CDON: variants seen among roughly 807,000 people sequenced by gnomAD.
CDON encodes cell adhesion molecule-related/down-regulated by oncogenes.
Under a neutral mutation model 120.9 loss-of-function variants are expected in CDON, and 73 were observed. The ratio of observed to expected loss-of-function variants is 0.60; its 90% CI spans 0.50 to 0.73. The LOEUF is 0.73. Among genes scored for constraint, CDON ranks in the 30% least tolerant of loss-of-function variants. CDON has a pLI of 0.00. For missense variants in CDON, 1,470 were observed against 1,587.3 expected, an observed-to-expected ratio of 0.93 and a Z score of 1.26; for synonymous variants, 566 against 573.5, an observed-to-expected ratio of 0.99 and a Z score of 0.19.
intron 12 of CDON, among the ~76,000 whole-genome samples, 158 bp downstream of exon 12, chr11:125,997,049 T>C (rs986377141): frequency 3.3e-5 from 5 of 151,820 alleles, no homozygotes; most frequent in Non-Finnish European, 7.4e-5. Context: ...CGGTGGTGAG[T>C]GCCTGTAGTC....
At chr11:125,977,313 T>C (rs1384746090) in intron 18 of CDON, among the ~76,000 whole-genome samples, 4 of 152,254 alleles carry the variant, frequency 2.6e-5, no homozygotes, top group African/African-American at 7.2e-5. Flanking sequence ...GCTTTTGTTC[T>C]GCAACTCTCA....
chr11:125,972,050 G>T (rs528752110), intron 18 of CDON, among the ~76,000 whole-genome samples: 3 of 152,224 alleles, frequency 2.0e-5, no homozygotes, highest in African/African-American at 4.8e-5. Context: ...GGTCTCTGGT[G>T]TAAGGAACTG....
chr11:126,062,191 G>C (rs1948813993), intron 1 of CDON, among the ~76,000 whole-genome samples: 1 of 152,154 alleles, frequency 6.6e-6, no homozygotes. Context: ...TGTCTCTCGC[G>C]GGCGCTCTGC....
At chr11:125,970,172 GTTT>G (rs36021097) in intron 18 of CDON, among the ~76,000 whole-genome samples, 2 of 103,180 alleles carry the variant, frequency 1.9e-5, no homozygotes, top group Non-Finnish European at 3.9e-5. Flanking sequence ...GGTAGTTTAT[GTTT>G]TTTTTTTTTT....
At chr11:125,987,982 T>A (rs974354625) in intron 15 of CDON, among the ~76,000 whole-genome samples, 6 of 152,248 alleles carry the variant, frequency 3.9e-5, no homozygotes, top group Non-Finnish European at 8.8e-5. Context: ...CCTCATTTTT[T>A]AAAAACGTAC....
intron 1 of CDON, 142 bp from the exon 2 acceptor site, chr11:126,023,679 T>G: frequency 1.6e-6 from 1 of 625,962 alleles, no homozygotes; most frequent in African/African-American, 1.8e-5. Context: ...TATCCAGATC[T>G]TCCCAATTCA....
chr11:126,054,781 T>G (rs541139218), intron 1 of CDON, among the ~76,000 whole-genome samples: 202 of 152,322 alleles, frequency 1.3e-3, no homozygotes, highest in African/African-American at 4.6e-3. Flanking sequence ...TAGTACTTGT[T>G]CAGCAGAGTG....
intron 2 of CDON, among the ~76,000 whole-genome samples, chr11:126,022,710 C>T (rs984466465): frequency 6.6e-6 from 1 of 152,114 alleles, no homozygotes; most frequent in Non-Finnish European, 1.5e-5. Context: ...AGTAAAACCA[C>T]AAAACCAATT....
intron 1 of CDON, among the ~76,000 whole-genome samples, chr11:126,041,590 G>A (rs1339444793): frequency 6.6e-6 from 1 of 152,172 alleles, no homozygotes; most frequent in Admixed American, 6.5e-5. Context: ...ACCACATAAT[G>A]CTAGTACTAA....
intron 4 of CDON, among the ~76,000 whole-genome samples, chr11:126,018,684 T>C (rs537648181): frequency 1.5e-4 from 23 of 152,294 alleles, no homozygotes; most frequent in African/African-American, 5.1e-4. Context: ...TCCTCCCACC[T>C]AAGCCTCCCA....
chr11:126,020,859 G>A (rs1313467789), intron 3 of CDON, among the ~76,000 whole-genome samples: 1 of 152,224 alleles, frequency 6.6e-6, no homozygotes, highest in Non-Finnish European at 1.5e-5. Flanking sequence ...AGGACTCCAG[G>A]AAATAACTGT....
At chr11:126,046,978 T>C (rs757115240) in intron 1 of CDON, among the ~76,000 whole-genome samples, 1 of 152,222 alleles carries the variant, frequency 6.6e-6, no homozygotes, top group Non-Finnish European at 1.5e-5. Flanking sequence ...ACAATCATGC[T>C]CAGTATTTAA....
chr11:125,997,592 G>C (rs990999540), intron 11 of CDON, among the ~76,000 whole-genome samples, 182 bp from the exon 12 acceptor site: 6 of 152,120 alleles, frequency 3.9e-5, no homozygotes, highest in African/African-American at 1.4e-4. Context: ...GGGAATACAG[G>C]AAATAAAGAG....
intron 1 of CDON, among the ~76,000 whole-genome samples, chr11:126,028,875 ACT>A (rs1947874540): frequency 6.6e-6 from 1 of 151,742 alleles, no homozygotes; most frequent in Non-Finnish European, 1.5e-5. Flanking sequence ...TCTAGATAAC[ACT>A]CTATGAATAT....
At chr11:126,018,287 G>C (rs1485113270) in intron 5 of CDON, 43 bp downstream of exon 5, 5 of 1,593,248 alleles carry the variant, frequency 3.1e-6, no homozygotes, top group Non-Finnish European at 4.3e-6. Context: ...TTTTTATGAG[G>C]ACTCTTCCTC....
chr11:125,979,187 C>T (rs936102703), intron 17 of CDON, among the ~76,000 whole-genome samples: 3 of 152,188 alleles, frequency 2.0e-5, no homozygotes, highest in African/African-American at 7.2e-5. Context: ...TGCACCCAAA[C>T]CCAAAGCAGG....
chr11:126,016,511 C>T (rs1284335521), intron 6 of CDON, among the ~76,000 whole-genome samples: 1 of 152,176 alleles, frequency 6.6e-6, no homozygotes, highest in African/African-American at 2.4e-5. Flanking sequence ...CAGCTCACTG[C>T]AACCTCCACC....
At chr11:125,986,850 TGAGAAAAGAAGTCATCTTTCAA>T (rs143291935) in intron 15 of CDON, among the ~76,000 whole-genome samples, 43,344 of 151,180 alleles carry the variant, frequency 0.29, 6,620 homozygotes, top group African/African-American at 0.38. Context: ...GAGCTGGGAA[TGAGAAAAGAAGTCATCTTTCAA>T]GAGAAAAGAA....
chr11:126,002,737 C>T (rs547405903), intron 10 of CDON, among the ~76,000 whole-genome samples: 2 of 152,188 alleles, frequency 1.3e-5, no homozygotes, highest in Non-Finnish European at 2.9e-5. Flanking sequence ...CAGACTCCAG[C>T]CAGCTCAAAT....
Sources: gnomAD v4.1 joint callset for allele counts (sites outside exome capture counted in the v4.1 genomes callset) on GRCh38, gnomAD v4.1.1 for gene constraint, MANE v1.5 for transcripts, NCBI Gene and HGNC (gene_info 2026-07-23, HGNC 2026-07-21) for gene names.